ROBO2: variants seen among roughly 807,000 people sequenced by gnomAD.
The protein encoded by ROBO2 is roundabout guidance receptor 2, also known as roundabout homolog 2.
ROBO2 carries 53 observed loss-of-function variants against 160.8 expected under a neutral mutation model. The observed-to-expected ratio is 0.33, with a 90% confidence interval of 0.26 to 0.41. ROBO2 has a LOEUF of 0.41. Ranked by LOEUF, ROBO2 falls within the 10% of genes least tolerant of loss-of-function variation. The pLI is 1.00. For missense variants in ROBO2, 1,577 were observed against 1,722.4 expected, an observed-to-expected ratio of 0.92 and a Z score of 1.49; for synonymous variants, 664 against 611.7, an observed-to-expected ratio of 1.09 and a Z score of -1.26.
chr3:76,901,526 C>G (rs1396152445), intron 2 of ROBO2, among the ~76,000 whole-genome samples: 1 of 132,638 alleles, frequency 7.5e-6, no homozygotes, highest in South Asian at 2.4e-4. Context: ...TGAGATCGCA[C>G]CATTGTACTC....
At chr3:76,894,489 T>A (rs1294172494) in intron 2 of ROBO2, among the ~76,000 whole-genome samples, 1 of 152,160 alleles carries the variant, frequency 6.6e-6, no homozygotes, top group East Asian at 1.9e-4. Flanking sequence ...TGTGATTATG[T>A]AATTTTCTTT....
In ROBO2 at chr3:76,992,325, CTATATATATATATA is replaced by C. The variant is rs10530833; in HGVS notation, c.110-105658_110-105645del. Among the ~76,000 whole-genome samples, 461 of 46,886 alleles carry C rather than the reference CTATATATATATATA, an allele frequency of 9.8e-3. 3 individuals are homozygous for C. Among genetic ancestry groups the C allele is most frequent in the African/African-American group, 0.033 (350 of 10,456 alleles). 30.8% of individuals were successfully genotyped at this position (46,886 alleles called of 152,430 possible). On this transcript the variant is annotated intron_variant, in intron 2 of 26. Coordinates refer to the ROBO2 transcript ENST00000487694. ...AGAAGCTATCTATATCCATGTATTA[CTATATATATATATA>C]TATATATATATATATATATATATAT... is the stretch of plus-strand genomic sequence containing the variant.
At chr3:76,801,117 G>T (rs890513271) in intron 2 of ROBO2, among the ~76,000 whole-genome samples, 2 of 152,174 alleles carry the variant, frequency 1.3e-5, no homozygotes, top group Non-Finnish European at 2.9e-5. Context: ...TATAACACTG[G>T]AGGACATTAT....
chr3:77,121,735 G>C (rs575334980), intron 2 of ROBO2, among the ~76,000 whole-genome samples: 1 of 152,114 alleles, frequency 6.6e-6, no homozygotes, highest in East Asian at 1.9e-4. Context: ...GGATGATTAA[G>C]ATCTCATCAG....
chr3:77,570,627 T>A (rs1325795524), intron 13 of ROBO2, among the ~76,000 whole-genome samples: 1 of 152,032 alleles, frequency 6.6e-6, no homozygotes, highest in Non-Finnish European at 1.5e-5. Flanking sequence ...TAAGTATGCA[T>A]TTGAAAGAGA....
intron 2 of ROBO2, among the ~76,000 whole-genome samples, chr3:76,461,896 TAGAG>T (rs1443470099): frequency 2.0e-5 from 3 of 152,152 alleles, no homozygotes; most frequent in Non-Finnish European, 4.4e-5. Flanking sequence ...AATAGAGAAA[TAGAG>T]AGAATAAGAG....
intron 2 of ROBO2, among the ~76,000 whole-genome samples, chr3:77,393,874 T>C (rs1214768021): frequency 6.6e-6 from 1 of 152,174 alleles, no homozygotes; most frequent in East Asian, 1.9e-4. Context: ...ATTATATATA[T>C]GGTAATTTAT....
intron 2 of ROBO2, among the ~76,000 whole-genome samples, chr3:76,059,675 T>C (rs1456172920): frequency 6.6e-6 from 1 of 152,216 alleles, no homozygotes. Flanking sequence ...TCTGTCAATT[T>C]TGGCTTTTGT....
intron 2 of ROBO2, among the ~76,000 whole-genome samples, chr3:77,432,000 T>C (rs2078822584): frequency 6.6e-6 from 1 of 152,294 alleles, no homozygotes; most frequent in African/African-American, 2.4e-5. Context: ...TTAGGTTGGA[T>C]ATTGATGTAA....
intron 2 of ROBO2, among the ~76,000 whole-genome samples, chr3:77,007,101 C>T (rs2061620673): frequency 6.6e-6 from 1 of 152,090 alleles, no homozygotes; most frequent in African/African-American, 2.4e-5. Flanking sequence ...AATACAGGGA[C>T]AATGCCCAGG....
At chr3:77,059,470 G>A (rs2066078538) in intron 1 of ROBO2, among the ~76,000 whole-genome samples, 1 of 152,080 alleles carries the variant, frequency 6.6e-6, no homozygotes, top group South Asian at 2.1e-4. Context: ...GGGCAAGAGG[G>A]GAATCTTTTA....
intron 2 of ROBO2, among the ~76,000 whole-genome samples, chr3:77,388,538 T>C (rs768164562): frequency 1.4e-4 from 22 of 152,232 alleles, no homozygotes; most frequent in Non-Finnish European, 3.1e-4. Context: ...AGTTTGTTTT[T>C]GGCATTTCTC....
At chr3:76,796,879 A>C (rs1382870576) in intron 2 of ROBO2, among the ~76,000 whole-genome samples, 2 of 152,120 alleles carry the variant, frequency 1.3e-5, no homozygotes, top group Non-Finnish European at 2.9e-5. Flanking sequence ...TAAGGGGATA[A>C]ATTCAGGAAG....
chr3:77,269,380 T>A (rs2059342559), intron 2 of ROBO2, among the ~76,000 whole-genome samples: 1 of 152,190 alleles, frequency 6.6e-6, no homozygotes, highest in Non-Finnish European at 1.5e-5. Context: ...AAATAAACCA[T>A]GCATTCCCAA....
At chr3:77,028,675 C>T (rs2063125001) in intron 2 of ROBO2, among the ~76,000 whole-genome samples, 1 of 152,050 alleles carries the variant, frequency 6.6e-6, no homozygotes, top group African/African-American at 2.4e-5. Context: ...GCCAAGATCG[C>T]GTCACTGTAC....
At chr3:76,567,620 G>GATATATATATATATATATAT (rs1201854439) in intron 2 of ROBO2, among the ~76,000 whole-genome samples, 22 of 33,210 alleles carry the variant, frequency 6.6e-4, no homozygotes, top group South Asian at 1.2e-3. Context: ...CCAAACTACT[G>GATATATATATATATATATAT]ATATATATAT....
intron 6 of ROBO2, among the ~76,000 whole-genome samples, chr3:77,530,999 A>C (rs2091679910): frequency 6.6e-6 from 1 of 151,794 alleles, no homozygotes; most frequent in Admixed American, 6.6e-5. Flanking sequence ...TGGGCACCAC[A>C]TTTTTTCCCA....
At chr3:76,647,192 G>T (rs2091012965) in intron 2 of ROBO2, among the ~76,000 whole-genome samples, 1 of 152,182 alleles carries the variant, frequency 6.6e-6, no homozygotes, top group South Asian at 2.1e-4. Flanking sequence ...ACAAGTCTGG[G>T]CTAGTGTCTC....
At chr3:76,350,054 G>A (rs2074780667) in intron 2 of ROBO2, among the ~76,000 whole-genome samples, 1 of 152,090 alleles carries the variant, frequency 6.6e-6, no homozygotes, top group Admixed American at 6.6e-5. Flanking sequence ...AATACCATCA[G>A]TACCTTTGCT....
Sources: allele counts gnomAD v4.1 joint callset (sites outside exome capture counted in the v4.1 genomes callset), GRCh38; gene constraint gnomAD v4.1.1; transcripts MANE v1.5; gene names NCBI Gene and HGNC (gene_info 2026-07-23, HGNC 2026-07-21).